The following CDYL variants were observed in gnomAD, a reference collection of about 807,000 sequenced individuals.
CDYL encodes chromodomain Y-like protein.
CDYL carries 8 observed loss-of-function variants against 47.3 expected under a neutral mutation model. The ratio of observed to expected loss-of-function variants is 0.17; its 90% CI spans 0.10 to 0.31. The LOEUF is 0.31. Among genes scored for constraint, CDYL ranks in the 10% least tolerant of loss-of-function variants. The pLI is 1.00. For synonymous variants in CDYL, 266 were observed against 265.0 expected (o/e 1.00, Z -0.04); for missense variants, 471 against 701.4 (o/e 0.67, Z 3.71).
chr6:4,890,594 T>C (rs1156640788), intron 1 of CDYL, among the ~76,000 whole-genome samples: 1 of 152,196 alleles, frequency 6.6e-6, no homozygotes, highest in East Asian at 1.9e-4. Flanking sequence ...GAGAAAATGA[T>C]GGGGATGGGG....
intron 2 of CDYL, among the ~76,000 whole-genome samples, chr6:4,911,832 G>T (rs917671850): frequency 2.6e-5 from 4 of 152,156 alleles, no homozygotes; most frequent in African/African-American, 9.7e-5. Flanking sequence ...TTCATGTCAA[G>T]TATTCATTTA....
upstream of CDYL, among the ~76,000 whole-genome samples, chr6:4,774,007 TC>T: frequency 6.6e-6 from 1 of 152,212 alleles, no homozygotes; most frequent in Non-Finnish European, 1.5e-5. Context: ...ATGTCTATGT[TC>T]CTTTCTTTCC....
intron 3 of CDYL, among the ~76,000 whole-genome samples, chr6:4,749,632 TC>T (rs913824489): frequency 6.6e-6 from 1 of 152,240 alleles, no homozygotes; most frequent in Non-Finnish European, 1.5e-5. Flanking sequence ...GGGCCAATGA[TC>T]CCAGGTTGTT....
At chr6:4,881,518 C>T (rs1761761844) in intron 1 of CDYL, among the ~76,000 whole-genome samples, 1 of 152,116 alleles carries the variant, frequency 6.6e-6, no homozygotes, top group South Asian at 2.1e-4. Context: ...GTATCAGATG[C>T]TTCTGAAATG....
rs562979914 is a variant in CDYL, at chr6:4,707,376, C to G, written c.-39+1125C>G. Among the ~76,000 whole-genome samples the G allele has an allele frequency of 2.2e-4, 33 of 152,310 alleles. 1 individual carries two copies. The highest frequency in any genetic ancestry group is 6.8e-3 in the Middle Eastern group (2 of 294). ...CACTGCAAACTCTGTCTCCTGGGTT[C>G]AAGCGATTCTCCTGCCTCAGCCTCC... On this transcript the variant is annotated intron_variant, in intron 1 of 8. Transcript: ENST00000328908.
At chr6:4,872,324 C>CTTTTTTTTTTT (rs56242830) in intron 1 of CDYL, among the ~76,000 whole-genome samples, 1 of 121,622 alleles carries the variant, frequency 8.2e-6, no homozygotes, top group African/African-American at 2.9e-5. Flanking sequence ...TTTGATTTGG[C>CTTTTTTTTTTT]TTTTTTTTTT....
At position 4,858,251 on chromosome 6, in the gene CDYL, A is replaced by C. The variant is rs1405067320; in HGVS notation, c.25-33462A>C. Among the ~76,000 whole-genome samples, 3 of 152,226 alleles carry C rather than the reference A, an allele frequency of 2.0e-5. No homozygotes were observed. In the South Asian group the frequency reaches 6.2e-4, roughly 32 times the overall value. On this transcript the variant is annotated intron_variant, in intron 1 of 6. Coordinates refer to ENST00000397588, the MANE Select transcript of CDYL (RefSeq NM_004824.4). ...CCACATATTTTCCTAGAAAAATTCA[A>C]GTAGTAAAGAGGAAGGGAAACTCGG...
chr6:4,782,507 T>C (rs1758643598), intron 1 of CDYL, among the ~76,000 whole-genome samples: 2 of 152,092 alleles, frequency 1.3e-5, no homozygotes, highest in South Asian at 4.2e-4. Context: ...ATGGAGAATT[T>C]CACTGTTTCC....
chr6:4,932,066 A>G (rs1449147246), intron 2 of CDYL, among the ~76,000 whole-genome samples: 1 of 152,200 alleles, frequency 6.6e-6, no homozygotes, highest in East Asian at 1.9e-4. Context: ...ACGTAGAGAA[A>G]GGAAAGACCC....
chr6:4,915,902 A>G (rs1379406162), intron 2 of CDYL, among the ~76,000 whole-genome samples: 6 of 152,116 alleles, frequency 3.9e-5, no homozygotes, highest in African/African-American at 1.2e-4. Context: ...ACACCTCCAT[A>G]TCTAAACTCA....
chr6:4,926,408 A>G (rs1364206437), intron 2 of CDYL, among the ~76,000 whole-genome samples: 2 of 152,242 alleles, frequency 1.3e-5, no homozygotes, highest in African/African-American at 4.8e-5. Flanking sequence ...ACTTCAGACC[A>G]AAGACAACAG....
At chr6:4,770,502 C>G (rs1758322740) in intron 3 of CDYL, among the ~76,000 whole-genome samples, 1 of 152,030 alleles carries the variant, frequency 6.6e-6, no homozygotes, top group African/African-American at 2.4e-5. Flanking sequence ...TAGAACAGTT[C>G]CTGGAACAGG....
At chr6:4,836,591 A>G (rs1477128995) in intron 1 of CDYL, among the ~76,000 whole-genome samples, 1 of 152,184 alleles carries the variant, frequency 6.6e-6, no homozygotes, top group Non-Finnish European at 1.5e-5. Flanking sequence ...AAGATTGCTC[A>G]TTAGAATATT....
intron 2 of CDYL, among the ~76,000 whole-genome samples, chr6:4,892,757 T>C (rs1392299223): frequency 6.6e-6 from 1 of 152,204 alleles, no homozygotes; most frequent in African/African-American, 2.4e-5. Flanking sequence ...GTGGCCAGCA[T>C]TGATACAGAA....
chr6:4,717,144 C>T (rs780173920), intron 2 of CDYL, among the ~76,000 whole-genome samples: 9 of 152,058 alleles, frequency 5.9e-5, no homozygotes, highest in African/African-American at 1.4e-4. Flanking sequence ...AAGAGGTTGT[C>T]GTGGCTGGAG....
intron 2 of CDYL, among the ~76,000 whole-genome samples, chr6:4,732,963 A>C (rs1275707990): frequency 1.3e-5 from 2 of 152,134 alleles, no homozygotes; most frequent in African/African-American, 2.4e-5. Context: ...ATCCTCCAAG[A>C]AACGTCAGCA....
In CDYL at chr6:4,895,482, T is replaced by C. The variant is rs544519312; in HGVS notation, c.691+3103T>C. 2.8e-4 allele frequency among the ~76,000 whole-genome samples: 35 copies of C among 125,296 alleles called. 14 individuals carry two copies. The highest frequency in any genetic ancestry group is 8.9e-4 in the African/African-American group (29 of 32,622). The allele number at this position is 125,296 out of a possible 152,430, so 82.2% of individuals were successfully genotyped here. A position where few individuals can be genotyped will look rare whatever the true frequency, so the allele number is the denominator to read the frequency against. On this transcript the variant is annotated intron_variant, in intron 2 of 6. Transcript: ENST00000397588. ...ATGTATACATATATACGTATATATG[T>C]ATATATACATGTATACATATATACG...
chr6:4,793,609 A>G (rs1441147645), intron 1 of CDYL, among the ~76,000 whole-genome samples: 1 of 152,210 alleles, frequency 6.6e-6, no homozygotes. Context: ...TTTATGCCAG[A>G]TGCTATCTGG....
At chr6:4,742,961 G>A (rs1355038331) in intron 3 of CDYL, among the ~76,000 whole-genome samples, 3 of 152,186 alleles carry the variant, frequency 2.0e-5, no homozygotes, top group Non-Finnish European at 4.4e-5. Context: ...TCCAAACATA[G>A]GAAGCTTCCA....
Sources: allele counts gnomAD v4.1 joint callset (sites outside exome capture counted in the v4.1 genomes callset), GRCh38; gene constraint gnomAD v4.1.1; transcripts MANE v1.5; gene names NCBI Gene and HGNC (gene_info 2026-07-23, HGNC 2026-07-21).